The following GARRE1 variants were observed in gnomAD, a reference collection of about 807,000 sequenced individuals.
GARRE1 encodes the protein granule associated Rac and RHOG effector 1.
GARRE1 carries 49 observed loss-of-function variants against 103.2 expected under a neutral mutation model. That is an observed-to-expected ratio of 0.47 (90% confidence interval 0.38 to 0.60). The LOEUF (loss-of-function observed/expected upper bound fraction) is 0.60, where lower values mean the gene tolerates loss of function less well. GARRE1 is among the 20% of genes least tolerant of loss of function. The probability of loss-of-function intolerance (pLI) is 0.00; values close to 1 mark genes in which losing one functional copy is unlikely to be tolerated. For synonymous variants in GARRE1, 505 were observed against 532.8 expected, an observed-to-expected ratio of 0.95 and a Z score of 0.72; for missense variants, 1,199 against 1,370.5, an observed-to-expected ratio of 0.87 and a Z score of 1.98.
intron 2 of GARRE1, among the ~76,000 whole-genome samples, chr19:34,301,530 A>G (rs1313591664): frequency 2.1e-5 from 3 of 144,306 alleles, no homozygotes; most frequent in African/African-American, 5.4e-5. Flanking sequence ...AAAAAAAAAA[A>G]AAAAAAAAGA....
At chr19:34,282,104 A>G (rs2073857984) in intron 1 of GARRE1, among the ~76,000 whole-genome samples, 1 of 152,002 alleles carries the variant, frequency 6.6e-6, no homozygotes, top group Admixed American at 6.6e-5. Context: ...CTTATTTCCA[A>G]GAATTCATTG....
intron 1 of GARRE1, among the ~76,000 whole-genome samples, chr19:34,263,064 T>G (rs754365327): frequency 5.1e-4 from 78 of 152,024 alleles, no homozygotes; most frequent in Non-Finnish European, 8.5e-4. Context: ...AATACAAAAA[T>G]TAACTGGGCA....
chr19:34,295,547 C>G (rs991148124), intron 1 of GARRE1, among the ~76,000 whole-genome samples: 1 of 82,326 alleles, frequency 1.2e-5, no homozygotes, highest in Non-Finnish European at 2.8e-5. Flanking sequence ...GTTTTGTTTT[C>G]GAGACAGGGT....
At chr19:34,348,931 A>G in intron 11 of GARRE1, 85 bp from the exon 12 acceptor site, 1 of 1,498,394 alleles carries the variant, frequency 6.7e-7, no homozygotes, top group South Asian at 1.2e-5. Context: ...GGATGAATGC[A>G]GGGTAAGGAC....
intron 1 of GARRE1, among the ~76,000 whole-genome samples, chr19:34,270,965 A>G (rs1366086770): frequency 6.6e-6 from 1 of 152,218 alleles, no homozygotes; most frequent in Non-Finnish European, 1.5e-5. Context: ...CAGGGTGACA[A>G]CCAAAACATC....
chr19:34,285,169 A>G (rs1463831574), intron 1 of GARRE1: 1 of 152,220 alleles, frequency 6.6e-6, no homozygotes, highest in Non-Finnish European at 1.5e-5. Context: ...ATCATATACA[A>G]CATTGGAGCA....
At chr19:34,347,750 G>T in intron 10 of GARRE1, 127 bp from the exon 11 acceptor site, 1 of 913,754 alleles carries the variant, frequency 1.1e-6, no homozygotes, top group Non-Finnish European at 1.6e-6. Flanking sequence ...CCACGCTGTG[G>T]GGCACAAGCC....
rs758550447 is a variant in GARRE1 at position 34,327,408 on chromosome 19, A to G, written c.706-13A>G. ...CACCCTCTTTTACCTACCAGTTACT[A>G]TATATGTTACAGGCGACATCTAGAC... On this transcript the variant is annotated splice_polypyrimidine_tract_variant and intron_variant, in intron 3 of 13. Coordinates refer to ENST00000299505, the MANE Select transcript of GARRE1 (RefSeq NM_014686.5). The G allele has an allele frequency of 4.3e-6, 7 of 1,613,772 alleles. No homozygotes were observed. The South Asian group carries it at 7.7e-5, about 18-fold the overall frequency.
intron 2 of GARRE1, among the ~76,000 whole-genome samples, chr19:34,307,549 A>G (rs1489661772): frequency 3.4e-5 from 5 of 148,514 alleles, no homozygotes; most frequent in African/African-American, 7.4e-5. Flanking sequence ...TGCCAGACAT[A>G]TATATAAAAT....
rs147778168 is a variant in GARRE1, at chr19:34,263,265, G to GAGATAGATAGAT, written c.-796+8677_-796+8688dup. Reference sequence around the variant, plus strand: ...AATAATGTCTCCCTCTCTCGATAGAGAGATAGATAGATAGATAGATAGATA... The same window carrying GAGATAGATAGAT: ...AATAATGTCTCCCTCTCTCGATAGAGAGATAGATAGATAGATAGATAGATAGATAGATAGATA... On this transcript the variant is annotated intron_variant, in intron 1 of 13. Transcript: ENST00000299505. Among the ~76,000 whole-genome samples the GAGATAGATAGAT allele has an allele frequency of 7.7e-3, 1,156 of 149,608 alleles. 7 individuals carry two copies. The highest frequency in any genetic ancestry group is 0.015 in the East Asian group (77 of 5,010).
chr19:34,296,372 C>G, intron 1 of GARRE1: 2 of 1,384,278 alleles, frequency 1.4e-6, no homozygotes, highest in South Asian at 1.2e-5. Flanking sequence ...GATCCTTGGC[C>G]TTGGCCTTTA....
At chr19:34,343,072 G>A (rs1479304426) in intron 10 of GARRE1, among the ~76,000 whole-genome samples, 3 of 152,132 alleles carry the variant, frequency 2.0e-5, no homozygotes, top group Admixed American at 2.0e-4. Context: ...AACTCTAAAG[G>A]ATCTTTGGAA....
intron 7 of GARRE1, among the ~76,000 whole-genome samples, chr19:34,331,396 T>G (rs550932788): frequency 1.4e-4 from 22 of 152,266 alleles, no homozygotes; most frequent in Middle Eastern, 3.4e-3. Context: ...ACTCCTTATC[T>G]TCTTGGTGTT....
intron 1 of GARRE1, among the ~76,000 whole-genome samples, chr19:34,269,270 A>G (rs1470888656): frequency 6.6e-6 from 1 of 152,230 alleles, no homozygotes; most frequent in Non-Finnish European, 1.5e-5. Context: ...GGTTGTTCCC[A>G]CATGAGATTG....
At chr19:34,336,984 A>G (rs2074163785) in intron 8 of GARRE1, among the ~76,000 whole-genome samples, 3 of 151,010 alleles carry the variant, frequency 2.0e-5, no homozygotes, top group Non-Finnish European at 2.9e-5. Flanking sequence ...CACCTTGTAG[A>G]CTGTGATTTC....
At chr19:34,338,372 CA>C (rs1407679938) in intron 8 of GARRE1, among the ~76,000 whole-genome samples, 1 of 152,050 alleles carries the variant, frequency 6.6e-6, no homozygotes, top group Non-Finnish European at 1.5e-5. Context: ...CCCATCTCTA[CA>C]AAAAAATTAA....
chr19:34,275,263 TAC>T (rs1491041168), intron 1 of GARRE1, among the ~76,000 whole-genome samples: 2 of 151,896 alleles, frequency 1.3e-5, no homozygotes, highest in Non-Finnish European at 2.9e-5. Flanking sequence ...TCACATACCA[TAC>T]AGTTTATCCA....
chr19:34,268,078 G>GTT lies in GARRE1; in HGVS notation c.-796+13476_-796+13477dup, dbSNP rs976820929. Among the ~76,000 whole-genome samples, 16 of 143,264 alleles carry GTT rather than the reference G, an allele frequency of 1.1e-4. No homozygotes were observed. In the East Asian group the frequency reaches 1.6e-3, roughly 14 times the overall value. 94.0% of individuals were successfully genotyped at this position (143,264 alleles called of 152,430 possible). ...TGAACCACTGCACGTGGTGCTTTGT[G>GTT]TTTTTTTTTTTTTAAATCTACTTAG... On this transcript the variant is annotated intron_variant, in intron 1 of 13. Transcript: ENST00000299505.
Position 34,338,029 on chromosome 19 carries a change from T to G in GARRE1, c.1362-1838T>G, listed in dbSNP as rs2074168936. On this transcript the variant is annotated intron_variant, in intron 8 of 13. Transcript: ENST00000299505. ...TGGGCACTAGCAGAGCTTGCGTTGT[T>G]GTTCACCCTTTCCAGGCTTCTGAGC... Among the ~76,000 whole-genome samples, 3 of 152,240 alleles carry G rather than the reference T, an allele frequency of 2.0e-5. No individual in the cohort carries two copies. The South Asian group carries it at 6.2e-4, about 32-fold the overall frequency.
Sources: gnomAD v4.1 joint callset for allele counts (sites outside exome capture counted in the v4.1 genomes callset) on GRCh38, gnomAD v4.1.1 for gene constraint, MANE v1.5 for transcripts, NCBI Gene and HGNC (gene_info 2026-07-23, HGNC 2026-07-21) for gene names.